Variants in BICD1 observed in about 807,000 individuals in gnomAD.
The protein encoded by BICD1 is BICD cargo adaptor 1.
A neutral mutation model predicts 92.5 loss-of-function variants in BICD1; 35 were observed. The observed-to-expected ratio is 0.38, with a 90% CI of 0.29 to 0.50. The LOEUF (loss-of-function observed/expected upper bound fraction) is 0.50, where lower values mean the gene tolerates loss of function less well. BICD1 is among the 20% of genes least tolerant of loss of function. The pLI is 0.93. For synonymous variants in BICD1, 429 were observed against 465.1 expected (o/e 0.92, Z 1.00); for missense variants, 950 against 1,189.8 (o/e 0.80, Z 2.97).
Position 32,107,417 on chromosome 12 carries a change from A to G in BICD1, c.86A>G (p.His29Arg). The change falls in exon 1 of 10, where the codon CAC (histidine) becomes CGC (arginine). Residue 29 changes from histidine (H) to arginine (R), a missense_variant. By Grantham distance (29) the His-to-Arg change is conservative. Transcript: ENST00000652176. Reference protein sequence around the residue: ...RLTKELTETTHEKIQAAEYGL... With the variant: ...RLTKELTETTREKIQAAEYGL... ...ACCAAGGAGCTCACGGAGACCACCCACGAGAAGATCCAGGCTGCCGAGTAC... is the reference window on the plus strand; with the variant it reads ...ACCAAGGAGCTCACGGAGACCACCCGCGAGAAGATCCAGGCTGCCGAGTAC... 1.2e-6 allele frequency: 2 copies of G among 1,612,080 alleles called. No homozygotes were observed. Among genetic ancestry groups the G allele is most frequent in the South Asian group, 1.1e-5 (1 of 90,310 alleles).
intron 8 of BICD1, among the ~76,000 whole-genome samples, chr12:32,364,757 C>T (rs888943949): frequency 3.3e-5 from 5 of 152,020 alleles, no homozygotes; most frequent in Non-Finnish European, 5.9e-5. Flanking sequence ...TCAAGACCAG[C>T]CTAGGCAAAA....
At chr12:32,297,167 A>G (rs1203371244) in intron 3 of BICD1, among the ~76,000 whole-genome samples, 1 of 152,104 alleles carries the variant, frequency 6.6e-6, no homozygotes, top group Admixed American at 6.5e-5. Context: ...TATAGATGCT[A>G]GCATCTATCA....
chr12:32,146,779 C>G (rs1943116430), intron 1 of BICD1, among the ~76,000 whole-genome samples: 2 of 151,708 alleles, frequency 1.3e-5, no homozygotes, highest in South Asian at 2.1e-4. Context: ...TTCTTCTTCT[C>G]CTTCTGCTTC....
At chr12:32,140,710 A>C (rs1242325828) in intron 1 of BICD1, among the ~76,000 whole-genome samples, 2 of 152,296 alleles carry the variant, frequency 1.3e-5, no homozygotes, top group Non-Finnish European at 2.9e-5. Flanking sequence ...TGTAGACAAA[A>C]AGCAAAATGT....
chr12:32,333,871 C>T (rs1937987473), intron 5 of BICD1, among the ~76,000 whole-genome samples: 2 of 152,100 alleles, frequency 1.3e-5, no homozygotes, highest in African/African-American at 4.8e-5. Context: ...ATTTTATAAC[C>T]CCTACTTTTA....
chr12:32,260,447 C>T (rs531302407), intron 2 of BICD1, among the ~76,000 whole-genome samples: 123 of 152,240 alleles, frequency 8.1e-4, no homozygotes, highest in Non-Finnish European at 1.4e-3. Context: ...ACATTTTTTA[C>T]GTAGCTCACA....
chr12:32,316,671 G>A (rs1184347142), intron 4 of BICD1, among the ~76,000 whole-genome samples: 2 of 151,268 alleles, frequency 1.3e-5, no homozygotes, highest in African/African-American at 4.9e-5. Flanking sequence ...AGGAGCATCT[G>A]TATACATTTT....
At chr12:32,305,166 A>C (rs1392685843) in intron 3 of BICD1, among the ~76,000 whole-genome samples, 4 of 152,170 alleles carry the variant, frequency 2.6e-5, no homozygotes, top group Non-Finnish European at 5.9e-5. Context: ...ACTCTCAAAC[A>C]TTTTACTGAG....
chr12:32,291,762 T>C (rs1328766368), intron 2 of BICD1, among the ~76,000 whole-genome samples: 1 of 151,986 alleles, frequency 6.6e-6, no homozygotes, highest in East Asian at 1.9e-4. Context: ...CACTTGAGCC[T>C]GGGAGGTCAA....
At position 32,300,302 on chromosome 12, in the gene BICD1, A is replaced by C. The variant is rs148107680; in HGVS notation, c.580-5395A>C. 3.2e-3 allele frequency among the ~76,000 whole-genome samples: 485 copies of C among 151,904 alleles called. 4 individuals are homozygous for C. The highest frequency in any genetic ancestry group is 0.011 in the African/African-American group (465 of 41,414). On this transcript the variant is annotated intron_variant, in intron 3 of 9. Coordinates refer to ENST00000652176, the MANE Select transcript of BICD1 (RefSeq NM_001714.4). ...TATTTTTTAGTAGAGACGGTGTTTC[A>C]CCGTGTTAGTCAGGATGATCTCGAT...
At chr12:32,164,788 C>T (rs1169906310) in intron 1 of BICD1, among the ~76,000 whole-genome samples, 2 of 152,154 alleles carry the variant, frequency 1.3e-5, no homozygotes, top group Admixed American at 6.5e-5. Flanking sequence ...TCCACTAACA[C>T]TCTAGGAAGC....
At chr12:32,320,200 G>A (rs559701670) in intron 4 of BICD1, among the ~76,000 whole-genome samples, 1 of 152,290 alleles carries the variant, frequency 6.6e-6, no homozygotes, top group East Asian at 1.9e-4. Flanking sequence ...TCATTTAAGT[G>A]TCAAACTGAG....
intron 1 of BICD1, among the ~76,000 whole-genome samples, chr12:32,176,516 A>G (rs1050614762): frequency 1.3e-5 from 2 of 152,244 alleles, no homozygotes; most frequent in African/African-American, 2.4e-5. Flanking sequence ...CACTGCGTCA[A>G]TCAAGATACG....
intron 2 of BICD1, among the ~76,000 whole-genome samples, chr12:32,256,320 G>C (rs1946719108): frequency 6.6e-6 from 1 of 152,068 alleles, no homozygotes. Context: ...AAAATGCTGG[G>C]ATTACAGGTG....
chr12:32,268,732 G>A (rs1435426296), intron 2 of BICD1, among the ~76,000 whole-genome samples: 2 of 152,140 alleles, frequency 1.3e-5, no homozygotes, highest in Admixed American at 1.3e-4. Context: ...GGAGGCGGAG[G>A]TTGCAGTGAG....
chr12:32,297,206 TG>T (rs1947898782), intron 3 of BICD1, among the ~76,000 whole-genome samples: 1 of 152,088 alleles, frequency 6.6e-6, no homozygotes, highest in South Asian at 2.1e-4. Flanking sequence ...TAAAGTTTTT[TG>T]GTTTTTTGGG....
At chr12:32,216,092 AG>A (rs1321402567) in intron 1 of BICD1, among the ~76,000 whole-genome samples, 154 bp from the exon 2 acceptor site, 2 of 152,166 alleles carry the variant, frequency 1.3e-5, no homozygotes, top group African/African-American at 4.8e-5. Flanking sequence ...AATTATTTCA[AG>A]CATCAGTGAG....
At chr12:32,348,231 A>C (rs1383594452) in intron 8 of BICD1, among the ~76,000 whole-genome samples, 2 of 152,240 alleles carry the variant, frequency 1.3e-5, no homozygotes, top group Non-Finnish European at 2.9e-5. Flanking sequence ...CTATGATGAA[A>C]GGATGAAACT....
intron 1 of BICD1, among the ~76,000 whole-genome samples, chr12:32,175,595 G>C (rs1480961153): frequency 6.6e-6 from 1 of 152,182 alleles, no homozygotes; most frequent in African/African-American, 2.4e-5. Flanking sequence ...TGAGACGACA[G>C]GCATGAGCCA....
Sources: gnomAD v4.1 joint callset for allele counts (sites outside exome capture counted in the v4.1 genomes callset) on GRCh38, gnomAD v4.1.1 for gene constraint, MANE v1.5 for transcripts, NCBI Gene and HGNC (gene_info 2026-07-23, HGNC 2026-07-21) for gene names.